SLC17A6: variants seen among roughly 807,000 people sequenced by gnomAD.
The protein encoded by SLC17A6 is vesicular glutamate transporter 2.
A neutral mutation model predicts 67.1 loss-of-function variants in SLC17A6; 35 were observed. That is an observed-to-expected ratio of 0.52 (90% CI 0.40 to 0.69). The LOEUF is 0.69. Among genes scored for constraint, SLC17A6 ranks in the 30% least tolerant of loss-of-function variants. The pLI is 0.00. For missense variants in SLC17A6, 588 were observed against 723.9 expected, an observed-to-expected ratio of 0.81 and a Z score of 2.15; for synonymous variants, 285 against 252.3, an observed-to-expected ratio of 1.13 and a Z score of -1.23.
chr11:22,377,437 C>A lies in SLC17A6; in HGVS notation c.1446C>A (p.Ile482=), dbSNP rs774668932. The change falls in exon 12 of 12, where the codon ATC becomes ATA. Residue 482 remains isoleucine, a synonymous_variant. Coordinates refer to ENST00000263160, the MANE Select transcript of SLC17A6 (RefSeq NM_020346.3). ...AAGAGTGGCAGTATGTCTTCCTGAT[C>A]GCTGCCCTAGTCCACTATGGTGGAG... The part of the protein sequence containing the change: ...SREEWQYVFL[I]AALVHYGGVI... 1.2e-5 allele frequency: 20 copies of A among 1,611,604 alleles called. 1 individual carries two copies. The South Asian group carries it at 2.0e-4, about 16-fold the overall frequency.
rs200784768 is a variant in SLC17A6 at position 22,341,671 on chromosome 11, G to A, written c.230G>A (p.Ser77Asn). 2.5e-6 allele frequency: 4 copies of A among 1,614,232 alleles called. No homozygotes were observed. The highest frequency in any genetic ancestry group is 1.6e-4 in the Middle Eastern group (1 of 6,062). ...CGCCGCTACATTATCGCCATCATGA[G>A]CGGCCTGGGCTTCTGCATCTCCTTC... ...LPRRYIIAIM[S>N]GLGFCISFGI... is the part of the protein sequence containing the mutation. Residue 77 changes from serine (S) to asparagine (N), a missense_variant, in exon 2 of 12, where the codon AGC (serine) becomes AAC (asparagine). Physicochemically the swap from Ser to Asn is conservative, Grantham distance 46. Around this residue, in one of 4 missense-constraint regions of SLC17A6, gnomAD observed 117 missense variants for 98.7 expected, o/e 1.19. Transcript: ENST00000263160.
intron 2 of SLC17A6, 33 bp from the exon 3 acceptor site, chr11:22,343,214 T>C: frequency 6.4e-7 from 1 of 1,566,486 alleles, no homozygotes; most frequent in Non-Finnish European, 8.8e-7. Context: ...ACTCTACTCT[T>C]TCCCTTCACA....
intron 6 of SLC17A6, among the ~76,000 whole-genome samples, chr11:22,364,290 T>C (rs1004133987): frequency 5.3e-5 from 8 of 152,156 alleles, no homozygotes; most frequent in Admixed American, 5.2e-4. Flanking sequence ...GTAATGATAA[T>C]TATTATAAAA....
chr11:22,364,737 A>G (rs1400953078), intron 6 of SLC17A6, among the ~76,000 whole-genome samples: 2 of 152,150 alleles, frequency 1.3e-5, no homozygotes, highest in African/African-American at 2.4e-5. Context: ...GAAATGGCCA[A>G]CTGCTGGGAA....
At chr11:22,375,646 A>G (rs1299602965) in intron 9 of SLC17A6, among the ~76,000 whole-genome samples, 1 of 151,598 alleles carries the variant, frequency 6.6e-6, no homozygotes, top group Non-Finnish European at 1.5e-5. Flanking sequence ...ACACCCAGCT[A>G]ATTTTGTATT....
chr11:22,378,829 A>G lies in SLC17A6; in HGVS notation c.*1089A>G, dbSNP rs1333910690. On this transcript the variant is annotated 3_prime_UTR_variant, in exon 12 of 12. Coordinates refer to ENST00000263160, the MANE Select transcript of SLC17A6 (RefSeq NM_020346.3). ...TTAAATATATAGGACAATACATTATATTAAAATGGTCTCTCTCTATATATA... is the reference window on the plus strand; with the variant it reads ...TTAAATATATAGGACAATACATTATGTTAAAATGGTCTCTCTCTATATATA... The G allele has an allele frequency of 6.6e-6, 1 of 152,126 alleles. No individual in the cohort carries two copies. The highest frequency in any genetic ancestry group is 1.5e-5 in the Non-Finnish European group (1 of 67,960). 9.4% of individuals were successfully genotyped at this position (152,126 alleles called of 1,614,324 possible). A position where few individuals can be genotyped will look rare whatever the true frequency, so the allele number is the denominator to read the frequency against.
intron 8 of SLC17A6, 51 bp downstream of exon 8, chr11:22,370,239 T>A: frequency 6.8e-7 from 1 of 1,479,310 alleles, no homozygotes; most frequent in Non-Finnish European, 9.1e-7. Context: ...TGTATTTAAG[T>A]GAATACTAAA....
intron 1 of SLC17A6, among the ~76,000 whole-genome samples, chr11:22,339,776 C>T (rs776092728): frequency 2.0e-5 from 3 of 152,064 alleles, no homozygotes; most frequent in Non-Finnish European, 4.4e-5. Flanking sequence ...TGCACCTATG[C>T]GGCAGTAGAT....
rs878877170 is a variant in SLC17A6 at position 22,377,487 on chromosome 11, C to T, written c.1496C>T (p.Ser499Leu). 1 of 1,614,050 alleles carries T rather than the reference C, an allele frequency of 6.2e-7. No individual in the cohort carries two copies. The highest frequency in any genetic ancestry group is 8.5e-7 in the Non-Finnish European group (1 of 1,179,988). ...GTTATATTTTATGCAATATTTGCCT[C>T]AGGAGAGAAACAACCCTGGGCAGAC... ...GGVIFYAIFA[S>L]GEKQPWADPE... The change falls in exon 12 of 12, where the codon TCA (serine) becomes TTA (leucine). Residue 499 changes from serine to leucine, a missense_variant. Around this residue, in one of 4 missense-constraint regions of SLC17A6, gnomAD observed 414 missense variants for 563.4 expected, o/e 0.73. Transcript: ENST00000263160.
rs753348015 is a variant in SLC17A6 at position 22,376,031 on chromosome 11, T to C, written c.1224T>C (p.Thr408=). The C allele has an allele frequency of 2.5e-6, 4 of 1,612,526 alleles. No individual in the cohort carries two copies. The South Asian group carries it at 3.3e-5, about 13-fold the overall frequency. ...TLLLVVGYSH[T]RGVAISFLVL... is the part of the protein sequence containing the mutation. ...TCCTGGTCGTTGGCTATTCTCATAC[T>C]AGAGGGGTAGCAATCTCATTCTTGG... The change falls in exon 10 of 12, where the codon ACT becomes ACC. Residue 408 remains threonine, a synonymous_variant. Coordinates refer to ENST00000263160, the MANE Select transcript of SLC17A6 (RefSeq NM_020346.3).
chr11:22,340,414 T>C (rs900536639), intron 1 of SLC17A6, among the ~76,000 whole-genome samples: 18 of 152,364 alleles, frequency 1.2e-4, no homozygotes, highest in African/African-American at 4.3e-4. Flanking sequence ...AGTAAAACCA[T>C]TCCTTTTCTC....
At chr11:22,370,775 T>A (rs1266513147) in intron 8 of SLC17A6, among the ~76,000 whole-genome samples, 1 of 152,136 alleles carries the variant, frequency 6.6e-6, no homozygotes, top group African/African-American at 2.4e-5. Flanking sequence ...TGCTCACAGC[T>A]TGGTGGTGTA....
At chr11:22,357,371 A>G (rs936207543) in intron 3 of SLC17A6, among the ~76,000 whole-genome samples, 1 of 152,224 alleles carries the variant, frequency 6.6e-6, no homozygotes, top group African/African-American at 2.4e-5. Flanking sequence ...CAAATAATTC[A>G]TACTTGATTC....
chr11:22,357,725 G>T (rs1446132892), intron 3 of SLC17A6, among the ~76,000 whole-genome samples: 1 of 152,122 alleles, frequency 6.6e-6, no homozygotes, highest in Non-Finnish European at 1.5e-5. Context: ...TTTATTCATC[G>T]TACCTCTAAA....
chr11:22,345,855 C>T (rs1353603460), intron 3 of SLC17A6, among the ~76,000 whole-genome samples: 2 of 152,140 alleles, frequency 1.3e-5, no homozygotes, highest in Non-Finnish European at 2.9e-5. Flanking sequence ...AAAATTTAAT[C>T]AGCCTGATAC....
chr11:22,351,135 C>T (rs1044351888), intron 3 of SLC17A6, among the ~76,000 whole-genome samples: 5 of 151,866 alleles, frequency 3.3e-5, no homozygotes, highest in Middle Eastern at 3.2e-3. Flanking sequence ...TTTCGGGAGG[C>T]AGGTGAAATT....
chr11:22,358,020 G>T (rs1246778115), intron 3 of SLC17A6, among the ~76,000 whole-genome samples: 1 of 152,124 alleles, frequency 6.6e-6, no homozygotes, highest in East Asian at 1.9e-4. Flanking sequence ...TGCTGTTTGG[G>T]ATGTCATTTC....
chr11:22,339,061 T>TTATATATATA (rs59446847), intron 1 of SLC17A6, among the ~76,000 whole-genome samples: 1 of 123,794 alleles, frequency 8.1e-6, no homozygotes, highest in Non-Finnish European at 1.7e-5. Context: ...GAGTAATGGT[T>TTATATATATA]TATATATATA....
chr11:22,377,901 G>A lies in SLC17A6; in HGVS notation c.*161G>A, dbSNP rs1302092566. The stretch of plus-strand genomic sequence containing the variant: ...CAAACCCATGAGGTTACCATCAAGT[G>A]CAATCTGTAAAATTGTGAAGTTCCA... On this transcript the variant is annotated 3_prime_UTR_variant, in exon 12 of 12. Transcript: ENST00000263160. 1.2e-5 allele frequency: 7 copies of A among 587,186 alleles called. No individual in the cohort carries two copies. The highest frequency in any genetic ancestry group is 1.9e-5 in the African/African-American group (1 of 53,074). 36.4% of individuals were successfully genotyped at this position (587,186 alleles called of 1,614,324 possible). A position where few individuals can be genotyped will look rare whatever the true frequency, so the allele number is the denominator to read the frequency against.
Sources: allele counts gnomAD v4.1 joint callset (sites outside exome capture counted in the v4.1 genomes callset), GRCh38; gene constraint gnomAD v4.1.1; regional missense constraint gnomAD v4.1.1; transcripts MANE v1.5; gene names NCBI Gene and HGNC (gene_info 2026-07-23, HGNC 2026-07-21).